Variants in PRDM15 observed in about 807,000 individuals in gnomAD.
PRDM15 encodes the protein PR/SET domain 15.
In PRDM15, 64 loss-of-function variants were observed where a neutral mutation model predicts 128.6. The observed-to-expected ratio is 0.50, with a 90% CI of 0.41 to 0.61. The LOEUF (loss-of-function observed/expected upper bound fraction) is 0.61, where lower values mean the gene tolerates loss of function less well. Among genes scored for constraint, PRDM15 ranks in the 20% least tolerant of loss-of-function variants. The pLI, the probability that PRDM15 is intolerant of heterozygous loss-of-function variation, is 0.00. For synonymous variants in PRDM15, 615 were observed against 621.8 expected (o/e 0.99, Z 0.16); for missense variants, 1,242 against 1,569.1 (o/e 0.79, Z 3.52).
chr21:41,807,012 C>G (rs867291001), intron 21 of PRDM15, among the ~76,000 whole-genome samples: 29 of 151,720 alleles, frequency 1.9e-4, no homozygotes, highest in Non-Finnish European at 3.1e-4. Context: ...CCACCACCAT[C>G]ACCAACACCA....
chr21:41,816,164 A>C (rs1167265145), intron 18 of PRDM15, among the ~76,000 whole-genome samples: 1 of 152,240 alleles, frequency 6.6e-6, no homozygotes, highest in South Asian at 2.1e-4. Flanking sequence ...GGTGAGAGAT[A>C]GATTAATACA....
At position 41,804,617 on chromosome 21, in the gene PRDM15, A is replaced by G; in HGVS notation, c.2653-3T>C. The stretch of plus-strand genomic sequence containing the variant: ...TCATCGATCCTCACCGCGAGCACCT[A>G]TGAGGAGCACAGGGCATGAGCTGGG... On this transcript the variant is annotated splice_polypyrimidine_tract_variant and splice_region_variant and intron_variant, in intron 21 of 23. Coordinates refer to ENST00000398548, the MANE Select transcript of PRDM15 (RefSeq NM_001040424.3). The G allele has an allele frequency of 1.9e-6, 3 of 1,555,634 alleles. No homozygotes were observed. The highest frequency in any genetic ancestry group is 2.6e-6 in the Non-Finnish European group (3 of 1,149,980).
At chr21:41,819,803 A>G in intron 17 of PRDM15, 102 bp from the exon 18 acceptor site, 1 of 1,450,214 alleles carries the variant, frequency 6.9e-7, no homozygotes, top group Non-Finnish European at 9.3e-7. Context: ...CCCAGCAGCT[A>G]GAAGCGCAGT....
chr21:41,825,218 C>A (rs1191549322), intron 13 of PRDM15, among the ~76,000 whole-genome samples: 1 of 152,248 alleles, frequency 6.6e-6, no homozygotes, highest in Non-Finnish European at 1.5e-5. Context: ...GTGATGCCAC[C>A]TCCAGTCACA....
rs547619937 is a variant in PRDM15 at position 41,842,646 on chromosome 21, G to A, written c.641-2793C>T. On this transcript the variant is annotated intron_variant, in intron 6 of 23. Coordinates refer to ENST00000398548, the MANE Select transcript of PRDM15 (RefSeq NM_001040424.3). ...GCTGGGACTACAAGCGTGCACCACC[G>A]TGCCCAGCTAATTTTTGTATTTTTA... Among the ~76,000 whole-genome samples, 8 of 151,742 alleles carry A rather than the reference G, an allele frequency of 5.3e-5. No individual in the cohort carries two copies. In the South Asian group the frequency reaches 8.3e-4, roughly 16 times the overall value.
chr21:41,826,095 T>G, intron 12 of PRDM15, 41 bp from the exon 13 acceptor site: 1 of 1,497,660 alleles, frequency 6.7e-7, no homozygotes, highest in East Asian at 2.3e-5. Flanking sequence ...TGAATACACA[T>G]AGAACACGCG....
Position 41,854,511 on chromosome 21 carries a change from C to T in PRDM15, c.538+55G>A. On this transcript the variant is annotated intron_variant, in intron 5 of 23. Coordinates refer to ENST00000398548, the MANE Select transcript of PRDM15 (RefSeq NM_001040424.3). The surrounding 1 kb of genome is among the most constrained non-coding windows in gnomAD (Gnocchi z 4.6). ...TCAGCACAGAGCCAAGGGACCATAA[C>T]CCCTTCGGCGAGGCACAAGGGAAGG... The T allele has an allele frequency of 3.8e-6, 6 of 1,598,810 alleles. No homozygotes were observed. In the Admixed American group the frequency reaches 6.7e-5, roughly 18 times the overall value.
chr21:41,865,690 A>G (rs1439068371), intron 1 of PRDM15, among the ~76,000 whole-genome samples: 1 of 151,956 alleles, frequency 6.6e-6, no homozygotes, highest in Non-Finnish European at 1.5e-5. Flanking sequence ...TTCCTAAACC[A>G]CTATCTCAGT....
chr21:41,824,507 A>T (rs1041008745), intron 13 of PRDM15, among the ~76,000 whole-genome samples: 10 of 145,840 alleles, frequency 6.9e-5, no homozygotes, highest in African/African-American at 2.3e-4. Context: ...TGCACAGAAT[A>T]AAAACCTGTT....
chr21:41,857,194 C>A lies in PRDM15; in HGVS notation c.267G>T (p.Glu89Asp), dbSNP rs765089039. 13 of 1,613,608 alleles carry A rather than the reference C, an allele frequency of 8.1e-6. No individual in the cohort carries two copies. Among genetic ancestry groups the A allele is most frequent in the Non-Finnish European group, 1.1e-5 (13 of 1,179,770 alleles). Residue 89 changes from glutamate to aspartate, a missense_variant, in exon 4 of 24, where the codon GAG (glutamate) becomes GAT (aspartate). Coordinates refer to ENST00000398548, the MANE Select transcript of PRDM15 (RefSeq NM_001040424.3). Reference sequence around the variant, plus strand: ...CCTTTACCTTCAGGGGAAATGCAGACTCCTTTTCCCATTTGGCGACCCTCC... The same window carrying A: ...CCTTTACCTTCAGGGGAAATGCAGAATCCTTTTCCCATTTGGCGACCCTCC... Reference protein sequence around the residue: ...ESRRVAKWEKESAFPLKVFQK... With the variant: ...ESRRVAKWEKDSAFPLKVFQK...
chr21:41,827,014 G>T (rs1294384245), intron 12 of PRDM15, among the ~76,000 whole-genome samples: 1 of 152,244 alleles, frequency 6.6e-6, no homozygotes, highest in African/African-American at 2.4e-5. Flanking sequence ...TGTGTGAGAA[G>T]TTTCAAGAGC....
chr21:41,861,820 G>C, intron 1 of PRDM15: 3 of 1,587,390 alleles, frequency 1.9e-6, no homozygotes, highest in Middle Eastern at 1.7e-4. Flanking sequence ...GTGAGGCAGA[G>C]GAAAGAGAGT....
In PRDM15 at chr21:41,854,900, G is replaced by T; in HGVS notation, c.286-82C>A. On this transcript the variant is annotated intron_variant, in intron 4 of 23. Transcript: ENST00000398548. This position sits in a 1 kb window ranked among gnomAD's most constrained non-coding sequence, Gnocchi z 4.6. ...TATCAGCGTGTGGGGGGCAGGTGCT[G>T]AGGAACCCATCTAGACAGTGCCACG... The T allele has an allele frequency of 6.7e-7, 1 of 1,492,720 alleles. No homozygotes were observed. The allele number at this position is 1,492,720 out of a possible 1,614,324, so 92.5% of individuals were successfully genotyped here. A position where few individuals can be genotyped will look rare whatever the true frequency, so the allele number is the denominator to read the frequency against.
intron 1 of PRDM15, among the ~76,000 whole-genome samples, chr21:41,868,037 C>CAA (rs35935542): frequency 2.3e-5 from 3 of 130,792 alleles, no homozygotes; most frequent in Admixed American, 7.8e-5. Flanking sequence ...AACATTGTCT[C>CAA]AAAAAAAAAA....
At chr21:41,835,247 A>C (rs904249131) in intron 11 of PRDM15, among the ~76,000 whole-genome samples, 190 bp downstream of exon 11, 1 of 152,194 alleles carries the variant, frequency 6.6e-6, no homozygotes, top group South Asian at 2.1e-4. Context: ...TTTTTACTGG[A>C]AAGTTTCCAT....
chr21:41,810,377 C>T lies in PRDM15; in HGVS notation c.2477-48G>A, dbSNP rs750105129. The T allele has an allele frequency of 6.4e-6, 10 of 1,573,990 alleles. No individual in the cohort carries two copies. Among genetic ancestry groups the T allele is most frequent in the Non-Finnish European group, 7.8e-6 (9 of 1,156,346 alleles). On this transcript the variant is annotated intron_variant, in intron 20 of 23. Transcript: ENST00000398548. The surrounding 1 kb of genome is among the most constrained non-coding windows in gnomAD (Gnocchi z 6.4). ...ACATGCGCGTGGAAAGGAAGAGACA[C>T]GCAGGTCACTAGTGCAGCCATCCCA... is the stretch of plus-strand genomic sequence containing the variant.
chr21:41,823,191 C>T (rs1289051994), intron 14 of PRDM15, 127 bp downstream of exon 14: 15 of 1,240,848 alleles, frequency 1.2e-5, no homozygotes, highest in South Asian at 6.5e-5. Context: ...CCTCCAGAAC[C>T]GTGAGCAGCA....
Position 41,836,451 on chromosome 21 carries a change from G to C in PRDM15, c.1183+17C>G. ...CTGGCCCTGGCCCCGGGCGCCAGCC[G>C]GGCCTCGCGGACTCACCATGCGAGC... On this transcript the variant is annotated intron_variant, in intron 9 of 23. Transcript: ENST00000398548. 2 of 1,599,228 alleles carry C rather than the reference G, an allele frequency of 1.3e-6. No individual in the cohort carries two copies. Among genetic ancestry groups the C allele is most frequent in the Non-Finnish European group, 1.7e-6 (2 of 1,169,972 alleles).
chr21:41,865,936 G>T lies in PRDM15; in HGVS notation c.-9-5564C>A, dbSNP rs183755109. On this transcript the variant is annotated intron_variant, in intron 1 of 23. Coordinates refer to ENST00000398548, the MANE Select transcript of PRDM15 (RefSeq NM_001040424.3). ...ATTTTTTAATTTTTTGTAGAGATTT[G>T]GTCTCACTATGTTGGCCAGACTGGT... 7.7e-4 allele frequency among the ~76,000 whole-genome samples: 117 copies of T among 151,976 alleles called. 1 individual carries two copies. Among genetic ancestry groups the T allele is most frequent in the African/African-American group, 2.7e-3 (112 of 41,432 alleles).
Sources: gnomAD v4.1 joint callset for allele counts (sites outside exome capture counted in the v4.1 genomes callset) on GRCh38, gnomAD v4.1.1 for gene constraint, Gnocchi (gnomAD v3.1) non-coding constraint, MANE v1.5 for transcripts, NCBI Gene and HGNC (gene_info 2026-07-23, HGNC 2026-07-21) for gene names.